Variants in TMPRSS6 observed in about 807,000 individuals in gnomAD.
TMPRSS6 encodes the protein transmembrane serine protease 6.
Under a neutral mutation model 101.5 loss-of-function variants are expected in TMPRSS6, and 67 were observed. The observed-to-expected ratio is 0.66, with a 90% CI of 0.54 to 0.81. TMPRSS6 has a LOEUF of 0.81. TMPRSS6 is among the 30% of genes least tolerant of loss of function. The probability of loss-of-function intolerance (pLI) is 0.00; values close to 1 mark genes in which losing one functional copy is unlikely to be tolerated. For missense variants in TMPRSS6, 1,034 were observed against 1,088.7 expected, an observed-to-expected ratio of 0.95 and a Z score of 0.71; for synonymous variants, 453 against 464.9, an observed-to-expected ratio of 0.97 and a Z score of 0.33.
At chr22:37,072,043 G>GATGA (rs1926980448) in intron 13 of TMPRSS6, among the ~76,000 whole-genome samples, 1 of 146,838 alleles carries the variant, frequency 6.8e-6, no homozygotes. Flanking sequence ...TGGATGGATG[G>GATGA]TGGATGGATG....
At chr22:37,108,879 G>C (rs1275551218) in intron 1 of TMPRSS6, among the ~76,000 whole-genome samples, 1 of 152,154 alleles carries the variant, frequency 6.6e-6, no homozygotes, top group Non-Finnish European at 1.5e-5. Context: ...CTGAGAGTGT[G>C]GGGGACTGGG....
At chr22:37,096,504 C>T in intron 4 of TMPRSS6, 144 bp downstream of exon 4, 1 of 874,594 alleles carries the variant, frequency 1.1e-6, no homozygotes, top group Non-Finnish European at 1.9e-6. Flanking sequence ...GGGAGGGTGA[C>T]ATGCAGGAAG....
chr22:37,083,983 A>C, intron 10 of TMPRSS6: 2 of 549,076 alleles, frequency 3.6e-6, no homozygotes, highest in Non-Finnish European at 3.2e-6. Context: ...TGAGGGTGCC[A>C]GAGGGGGTTA....
At chr22:37,077,584 T>C (rs533561890) in intron 10 of TMPRSS6, among the ~76,000 whole-genome samples, 2 of 152,216 alleles carry the variant, frequency 1.3e-5, no homozygotes, top group Non-Finnish European at 2.9e-5. Context: ...ACATCGGGAC[T>C]GATTGAACTC....
chr22:37,073,148 GTAGA>G (rs1226758423), intron 13 of TMPRSS6, among the ~76,000 whole-genome samples: 2 of 136,244 alleles, frequency 1.5e-5, no homozygotes, highest in African/African-American at 2.7e-5. Context: ...GGGTGGGTGG[GTAGA>G]TGGGTGGGTG....
rs376470679 is a variant in TMPRSS6 at position 37,066,873 on chromosome 22, G to T, written c.2203C>A (p.Arg735Ser). Reference sequence around the variant, plus strand: ...TTGCGGTAGCCGGCACACAGCATGCGTGGCGTCACCTGGTAGCGATAGACC... The same window carrying T: ...TTGCGGTAGCCGGCACACAGCATGCTTGGCGTCACCTGGTAGCGATAGACC... ...SEVYRYQVTP[R>S]MLCAGYRKGK... The change falls in exon 17 of 18, where the codon CGC becomes AGC. Residue 735 changes from arginine (R) to serine (S), a missense_variant. Arg to Ser is a moderately radical substitution (Grantham distance 110, BLOSUM62 -1). Transcript: ENST00000676104. The T allele has an allele frequency of 6.2e-7, 1 of 1,614,170 alleles. No homozygotes were observed. The highest frequency in any genetic ancestry group is 1.3e-5 in the African/African-American group (1 of 75,054).
chr22:37,086,518 G>T, intron 7 of TMPRSS6, 99 bp from the exon 8 acceptor site: 1 of 1,309,460 alleles, frequency 7.6e-7, no homozygotes. Context: ...ACGGGAGTCT[G>T]GACATCTGGG....
At position 37,066,205 on chromosome 22, in the gene TMPRSS6, G is replaced by C; in HGVS notation, c.2284C>G (p.Leu762Val). Residue 762 changes from leucine (L) to valine (V), a missense_variant, in exon 18 of 18, where the codon CTC becomes GTC. By Grantham distance (32) the Leu-to-Val change is conservative. Transcript: ENST00000676104. ...DSGGPLVCKALSGRWFLAGLV... is the reference protein window; with the variant it reads ...DSGGPLVCKAVSGRWFLAGLV... ...CCCGCCAGGAACCAGCGGCCACTGA[G>C]TGCCTTGCACACCAGCGGACCACCT... The C allele has an allele frequency of 6.2e-7, 1 of 1,612,992 alleles. No individual in the cohort carries two copies. The highest frequency in any genetic ancestry group is 8.5e-7 in the Non-Finnish European group (1 of 1,179,948).
rs772092292 is a variant in TMPRSS6 at position 37,096,005 on chromosome 22, C to T, written c.490G>A (p.Ala164Thr). 21 of 1,614,116 alleles carry T rather than the reference C, an allele frequency of 1.3e-5. No individual in the cohort carries two copies. The highest frequency in any genetic ancestry group is 1.7e-5 in the Non-Finnish European group (20 of 1,180,036). ...GACAGCAGCTCCTCCACCAGCAGTG[C>T]CTGCACCACCTCGGGGCTCAGCATC... ...RLMLSPEVVQ[A>T]LLVEELLSTV... is the part of the protein sequence containing the mutation. The change falls in exon 5 of 18, where the codon GCA (alanine) becomes ACA (threonine). Residue 164 changes from alanine (A) to threonine (T), a missense_variant. By Grantham distance (58) the Ala-to-Thr change is moderately conservative (BLOSUM62 0). Coordinates refer to ENST00000676104, the MANE Select transcript of TMPRSS6 (RefSeq NM_001374504.1).
In TMPRSS6 at chr22:37,088,313, G is replaced by A. The variant is rs549729197; in HGVS notation, c.836+1265C>T. Reference sequence around the variant, plus strand: ...AGAGCAGCTTGGAGAGGCCCTGGGGGAGGGGTGTGGCAAGAACCTCTGCCA... The same window carrying A: ...AGAGCAGCTTGGAGAGGCCCTGGGGAAGGGGTGTGGCAAGAACCTCTGCCA... On this transcript the variant is annotated intron_variant, in intron 7 of 17. Transcript: ENST00000676104. 5.3e-5 allele frequency among the ~76,000 whole-genome samples: 8 copies of A among 152,254 alleles called. No individual in the cohort carries two copies. In the East Asian group the frequency reaches 1.4e-3, roughly 26 times the overall value.
chr22:37,078,959 G>A lies in TMPRSS6; in HGVS notation c.1197-3679C>T, dbSNP rs867713120. ...AAGGAGAAGGAGAAGGAGAAAAAGA[G>A]AAAGAAAGAAAGAAAAAGAAAGAAA... On this transcript the variant is annotated intron_variant, in intron 10 of 17. Transcript: ENST00000676104. Among the ~76,000 whole-genome samples, 654 of 93,430 alleles carry A rather than the reference G, an allele frequency of 7.0e-3. 10 individuals are homozygous for A. Among genetic ancestry groups the A allele is most frequent in the African/African-American group, 0.021 (569 of 26,862 alleles). 61.3% of individuals were successfully genotyped at this position (93,430 alleles called of 152,430 possible). A position where few individuals can be genotyped will look rare whatever the true frequency, so the allele number is the denominator to read the frequency against.
rs1400618589 is a variant in TMPRSS6, at chr22:37,101,375, A to G, written c.202+1841T>C. 6.6e-6 allele frequency among the ~76,000 whole-genome samples: 1 copy of G among 152,056 alleles called. No individual in the cohort carries two copies. The highest frequency in any genetic ancestry group is 1.5e-5 in the Non-Finnish European group (1 of 67,974). On this transcript the variant is annotated intron_variant, in intron 2 of 17. Transcript: ENST00000676104. This position sits in a 1 kb window ranked among gnomAD's most constrained non-coding sequence, Gnocchi z 4.1. The stretch of plus-strand genomic sequence containing the variant: ...GCAGGAAAGGGAAAGGACCCAGGAA[A>G]TATGGTTGGTGGTATTAAGGGTCCT...
At chr22:37,088,359 C>T (rs1262483078) in intron 7 of TMPRSS6, among the ~76,000 whole-genome samples, 1 of 152,190 alleles carries the variant, frequency 6.6e-6, no homozygotes, top group Non-Finnish European at 1.5e-5. Context: ...AAAGACTGCG[C>T]TTGATCTGAA....
chr22:37,082,917 C>T (rs1180873488), intron 10 of TMPRSS6: 4 of 459,282 alleles, frequency 8.7e-6, no homozygotes, highest in South Asian at 6.4e-5. Flanking sequence ...CAAACCTTGT[C>T]ATTCTTCGTC....
At position 37,084,297 on chromosome 22, in the gene TMPRSS6, C is replaced by A. The variant is rs756220916; in HGVS notation, c.1194G>T (p.Arg398Ser). 1 of 1,612,924 alleles carries A rather than the reference C, an allele frequency of 6.2e-7. No homozygotes were observed. ...CTQGQWTIQN[R>S]RLCGLRILQP... Reference sequence around the variant, plus strand: ...AGAGGGAGGAGAGGAAGTGGTACCTCCTGTTCTGGATCGTCCACTGGCCCT... The same window carrying A: ...AGAGGGAGGAGAGGAAGTGGTACCTACTGTTCTGGATCGTCCACTGGCCCT... Residue 398 changes from arginine (R) to serine (S), a missense_variant and splice_region_variant, in exon 10 of 18, where the codon AGG (arginine) becomes AGT (serine). Coordinates refer to ENST00000676104, the MANE Select transcript of TMPRSS6 (RefSeq NM_001374504.1).
chr22:37,094,018 G>GTT (rs917210708), intron 6 of TMPRSS6, among the ~76,000 whole-genome samples: 21 of 148,788 alleles, frequency 1.4e-4, no homozygotes, highest in African/African-American at 4.2e-4. Flanking sequence ...GTGAGACTCT[G>GTT]TTATATATAT....
chr22:37,093,748 C>T (rs373573936), intron 6 of TMPRSS6, among the ~76,000 whole-genome samples: 7 of 150,924 alleles, frequency 4.6e-5, no homozygotes, highest in South Asian at 4.3e-4. Context: ...TGGAGCCAGG[C>T]GTGGTGGCTC....
intron 1 of TMPRSS6, among the ~76,000 whole-genome samples, chr22:37,106,217 C>G (rs1451946559): frequency 6.6e-6 from 1 of 152,058 alleles, no homozygotes; most frequent in East Asian, 1.9e-4. Context: ...CACAGCCAGG[C>G]TGCAAAGTCA....
At position 37,075,128 on chromosome 22, in the gene TMPRSS6, TACTC is replaced by T; in HGVS notation, c.1342+3_1342+6del. On this transcript the variant is annotated splice_donor_5th_base_variant and intron_variant, in intron 11 of 17. Coordinates refer to ENST00000676104, the MANE Select transcript of TMPRSS6 (RefSeq NM_001374504.1). ...TGCAGGGGGTTCCCCCGGCTGCCCA[TACTC>T]ACGGTCCGACTGGTTGTACAAGCCA... The T allele has an allele frequency of 6.2e-7, 1 of 1,613,700 alleles. No individual in the cohort carries two copies. The highest frequency in any genetic ancestry group is 8.5e-7 in the Non-Finnish European group (1 of 1,180,014).
Sources: allele counts gnomAD v4.1 joint callset (sites outside exome capture counted in the v4.1 genomes callset), GRCh38; gene constraint gnomAD v4.1.1; non-coding constraint Gnocchi (gnomAD v3.1); transcripts MANE v1.5; gene names NCBI Gene and HGNC (gene_info 2026-07-23, HGNC 2026-07-21).